Variants in HDX observed in about 807,000 individuals in gnomAD.
The protein encoded by HDX is chromosome X open reading frame 43.
Under a neutral mutation model 45.2 loss-of-function variants are expected in HDX, and 19 were observed. That is an observed-to-expected ratio of 0.42 (90% CI 0.29 to 0.62). The LOEUF (loss-of-function observed/expected upper bound fraction) is 0.62. Among genes scored for constraint, HDX ranks in the 20% least tolerant of loss-of-function variants. HDX has a pLI of 0.20. For missense variants in HDX, 532 were observed against 493.9 expected, an observed-to-expected ratio of 1.08 and a Z score of -0.73; for synonymous variants, 188 against 172.8, an observed-to-expected ratio of 1.09 and a Z score of -0.69.
chrX:84,459,805 G>A (rs746285696), intron 4 of HDX, among the ~76,000 whole-genome samples: 4 of 111,450 alleles, frequency 3.6e-5, no homozygotes, highest in Non-Finnish European at 5.7e-5. Flanking sequence ...AGACTGTGGG[G>A]AGAAAAGAGA....
chrX:84,400,978 G>A (rs2038690364), intron 5 of HDX, among the ~76,000 whole-genome samples: 1 of 111,943 alleles, frequency 8.9e-6, no homozygotes, highest in Non-Finnish European at 1.9e-5. Context: ...AATAAATGGT[G>A]CTGGGATAAC....
chrX:84,439,072 G>T (rs2039702532), intron 5 of HDX, among the ~76,000 whole-genome samples: 1 of 110,820 alleles, frequency 9.0e-6, no homozygotes, highest in Admixed American at 9.6e-5. Context: ...TTGTTTTTTT[G>T]TTTTGCCTTT....
At chrX:84,449,227 A>G (rs943938046) in intron 4 of HDX, among the ~76,000 whole-genome samples, 1 of 111,349 alleles carries the variant, frequency 9.0e-6, no homozygotes, top group Non-Finnish European at 1.9e-5. Flanking sequence ...GAAAAAAGTC[A>G]AAGCAATAAA....
intron 3 of HDX, 88 bp downstream of exon 3, chrX:84,475,163 T>A: frequency 1.3e-6 from 1 of 792,499 alleles, no homozygotes; most frequent in South Asian, 2.4e-5. Flanking sequence ...AATTAGTGAC[T>A]TCATACCCTG....
chrX:84,337,630 T>C (rs1322925478), intron 7 of HDX, among the ~76,000 whole-genome samples: 3 of 111,626 alleles, frequency 2.7e-5, no homozygotes, highest in Admixed American at 9.5e-5. Context: ...CCTGTATATA[T>C]GCTAAGAGAA....
At chrX:84,388,795 C>G (rs1057097885) in intron 5 of HDX, among the ~76,000 whole-genome samples, 24 of 112,194 alleles carry the variant, frequency 2.1e-4, no homozygotes, top group Admixed American at 7.6e-4. Flanking sequence ...AATTCTATGT[C>G]TGTCATTTCA....
intron 5 of HDX, among the ~76,000 whole-genome samples, chrX:84,425,081 A>T (rs1187479799): frequency 9.0e-6 from 1 of 111,600 alleles, no homozygotes; most frequent in Non-Finnish European, 1.9e-5. Context: ...CAAGATATCA[A>T]TAACCAGAAT....
intron 2 of HDX, among the ~76,000 whole-genome samples, chrX:84,485,409 T>C (rs1194283475): frequency 8.9e-6 from 1 of 112,247 alleles, no homozygotes; most frequent in Non-Finnish European, 1.9e-5. Flanking sequence ...TTGCTTTATG[T>C]GTTTGTTTGT....
rs1412440569 is a variant in HDX, at chrX:84,320,497, A to T, written c.*1392T>A. ...AATTTCAAGATCAAATTTGGCTCTA[A>T]TTACAAATTTTTAAAAATATCTGAA... On this transcript the variant is annotated 3_prime_UTR_variant, in exon 11 of 11. Coordinates refer to ENST00000373177, the MANE Select transcript of HDX (RefSeq NM_001177479.2). The T allele has an allele frequency of 9.0e-6, 1 of 110,943 alleles. No homozygotes were observed. The allele number at this position is 110,943 out of a possible 1,213,427, so 9.1% of individuals were successfully genotyped here. A position where few individuals can be genotyped will look rare whatever the true frequency, so the allele number is the denominator to read the frequency against.
At chrX:84,411,139 T>C (rs1314203057) in intron 5 of HDX, among the ~76,000 whole-genome samples, 1 of 111,667 alleles carries the variant, frequency 9.0e-6, no homozygotes, top group Non-Finnish European at 1.9e-5. Flanking sequence ...TTTTCTATAG[T>C]TTTTCACATC....
intron 4 of HDX, among the ~76,000 whole-genome samples, chrX:84,448,723 A>T (rs1019435436): frequency 4.5e-5 from 5 of 111,489 alleles, no homozygotes; most frequent in African/African-American, 6.5e-5. Context: ...CAATGAAAAT[A>T]CATAACATGA....
In HDX at chrX:84,460,144, A is replaced by G. The variant is rs1419158084; in HGVS notation, c.1251+8328T>C. ...ATACCATTGCTACTCAAACTATTCC[A>G]AAAGATAGACGATAAGAACACACTT... is the stretch of plus-strand genomic sequence containing the variant. On this transcript the variant is annotated intron_variant, in intron 4 of 10. Coordinates refer to ENST00000373177, the MANE Select transcript of HDX (RefSeq NM_001177479.2). Among the ~76,000 whole-genome samples the G allele has an allele frequency of 5.4e-5, 6 of 111,671 alleles. No homozygotes were observed. The Admixed American group carries it at 5.7e-4, about 11-fold the overall frequency.
rs2036568045 is a variant in HDX, at chrX:84,320,040, A to T, written c.*1849T>A. On this transcript the variant is annotated 3_prime_UTR_variant, in exon 11 of 11. Coordinates refer to ENST00000373177, the MANE Select transcript of HDX (RefSeq NM_001177479.2). ...TTGAAAGATAAACTCAATGACTATG[A>T]AGCAGACCCTAGGAGAGACTTGAAG... is the stretch of plus-strand genomic sequence containing the variant. The T allele has an allele frequency of 9.0e-6, 1 of 111,127 alleles. No homozygotes were observed. Among genetic ancestry groups the T allele is most frequent in the African/African-American group, 3.3e-5 (1 of 30,713 alleles). 9.2% of individuals were successfully genotyped at this position (111,127 alleles called of 1,213,427 possible). A position where few individuals can be genotyped will look rare whatever the true frequency, so the allele number is the denominator to read the frequency against.
At chrX:84,462,741 TAATGA>T (rs1277634441) in intron 4 of HDX, among the ~76,000 whole-genome samples, 1 of 111,237 alleles carries the variant, frequency 9.0e-6, no homozygotes. Flanking sequence ...AGAAAAAAAT[TAATGA>T]AATAGAAATT....
intron 5 of HDX, among the ~76,000 whole-genome samples, chrX:84,393,823 T>A (rs915092200): frequency 1.8e-5 from 2 of 111,033 alleles, no homozygotes; most frequent in Non-Finnish European, 3.8e-5. Context: ...CTCCTGATAG[T>A]CTCTGATAAT....
intron 6 of HDX, among the ~76,000 whole-genome samples, chrX:84,359,091 A>G (rs1198090229): frequency 3.6e-5 from 4 of 111,351 alleles, no homozygotes; most frequent in African/African-American, 1.3e-4. Context: ...ATTGCTAAGT[A>G]CTTACCAGCA....
At chrX:84,378,699 A>C (rs1432669738) in intron 5 of HDX, among the ~76,000 whole-genome samples, 1 of 111,528 alleles carries the variant, frequency 9.0e-6, no homozygotes, top group Non-Finnish European at 1.9e-5. Flanking sequence ...TACCAGACAA[A>C]ATCACTTTCT....
At chrX:84,375,234 G>T (rs1412865057) in intron 5 of HDX, among the ~76,000 whole-genome samples, 1 of 110,137 alleles carries the variant, frequency 9.1e-6, no homozygotes, top group East Asian at 2.9e-4. Flanking sequence ...TCATTAAAAA[G>T]TCAGGAAACA....
At chrX:84,416,117 A>T (rs2147998600) in intron 5 of HDX, among the ~76,000 whole-genome samples, 1 of 112,100 alleles carries the variant, frequency 8.9e-6, no homozygotes, top group South Asian at 3.7e-4. Flanking sequence ...CACCCACAAC[A>T]TAATAATAGA....
Sources: gnomAD v4.1 joint callset for allele counts (sites outside exome capture counted in the v4.1 genomes callset) on GRCh38, gnomAD v4.1.1 for gene constraint, MANE v1.5 for transcripts, NCBI Gene and HGNC (gene_info 2026-07-23, HGNC 2026-07-21) for gene names.